SPATA7: variants seen among roughly 807,000 people sequenced by gnomAD.
SPATA7 encodes the protein spermatogenesis-associated protein 7.
In SPATA7, 43 loss-of-function variants were observed where a neutral mutation model predicts 51.8. The observed-to-expected ratio is 0.83, with a 90% CI of 0.65 to 1.07. The LOEUF (loss-of-function observed/expected upper bound fraction) is 1.07, where lower values mean the gene tolerates loss of function less well. Among genes scored for constraint, SPATA7 ranks in the 50% least tolerant of loss-of-function variants. The pLI, the probability that SPATA7 is intolerant of heterozygous loss-of-function variation, is 0.00. For missense variants in SPATA7, 683 were observed against 701.3 expected, an observed-to-expected ratio of 0.97 and a Z score of 0.30; for synonymous variants, 230 against 252.8, an observed-to-expected ratio of 0.91 and a Z score of 0.86.
Position 88,438,312 on chromosome 14 carries a change from T to C in SPATA7, c.1690T>C (p.Ser564Pro). 6.2e-7 allele frequency: 1 copy of C among 1,613,998 alleles called. No homozygotes were observed. The highest frequency in any genetic ancestry group is 8.5e-7 in the Non-Finnish European group (1 of 1,179,910). ...ATTATGTGGTCTTAACACATCACCC[T>C]CCCAATCTGTTCAGTTCTCCAGTGT... The part of the protein sequence containing the change: ...NGLCGLNTSP[S>P]QSVQFSSVKG... Residue 564 changes from serine (S) to proline (P), a missense_variant, in exon 12 of 12, where the codon TCC becomes CCC. Transcript: ENST00000393545.
At chr14:88,453,941 T>C (rs970827166) in intron 3 of SPATA7, among the ~76,000 whole-genome samples, 6 of 152,232 alleles carry the variant, frequency 3.9e-5, no homozygotes, top group African/African-American at 1.4e-4. Context: ...TTGTGCATTC[T>C]GCTTTGTGCT....
intron 3 of SPATA7, among the ~76,000 whole-genome samples, chr14:88,451,365 C>A (rs2077249464): frequency 6.6e-6 from 1 of 151,794 alleles, no homozygotes; most frequent in African/African-American, 2.4e-5. Context: ...AGACAGGGTT[C>A]ACCACGTTGG....
At chr14:88,434,160 A>G (rs1447133700) in intron 10 of SPATA7, among the ~76,000 whole-genome samples, 1 of 152,184 alleles carries the variant, frequency 6.6e-6, no homozygotes, top group East Asian at 1.9e-4. Context: ...ACAAAATCAT[A>G]TGTATTTATG....
intron 3 of SPATA7, among the ~76,000 whole-genome samples, chr14:88,448,183 T>C (rs2077227298): frequency 6.6e-6 from 1 of 152,058 alleles, no homozygotes; most frequent in Non-Finnish European, 1.5e-5. Flanking sequence ...TTTGCTCGTT[T>C]CTTTTTATTC....
At position 88,438,238 on chromosome 14, in the gene SPATA7, A is replaced by G; in HGVS notation, c.1616A>G (p.Asn539Ser). The change falls in exon 12 of 12, where the codon AAT (asparagine) becomes AGT (serine). Residue 539 changes from asparagine to serine, a missense_variant. Coordinates refer to ENST00000393545, the MANE Select transcript of SPATA7 (RefSeq NM_018418.5). The part of the protein sequence containing the change: ...DSLTDRETSV[N>S]VIEGDSDPEK... ...TTAACAGATCGGGAAACTTCTGTGAATGTCATTGAAGGTGATAGTGACCCT... is the reference window on the plus strand; with the variant it reads ...TTAACAGATCGGGAAACTTCTGTGAGTGTCATTGAAGGTGATAGTGACCCT... 1 of 1,614,148 alleles carries G rather than the reference A, an allele frequency of 6.2e-7. No individual in the cohort carries two copies. The highest frequency in any genetic ancestry group is 8.5e-7 in the Non-Finnish European group (1 of 1,180,002).
Sources: allele counts gnomAD v4.1 joint callset (sites outside exome capture counted in the v4.1 genomes callset), GRCh38; gene constraint gnomAD v4.1.1; transcripts MANE v1.5; gene names NCBI Gene and HGNC (gene_info 2026-07-23, HGNC 2026-07-21).